The following CCDC148 variants were observed in gnomAD, a reference collection of about 807,000 sequenced individuals.
The protein encoded by CCDC148 is coiled-coil domain containing 148, also known as coiled-coil domain-containing protein 148.
CCDC148 carries 89 observed loss-of-function variants against 85.7 expected under a neutral mutation model. That is an observed-to-expected ratio of 1.04 (90% CI 0.87 to 1.24). CCDC148 has a LOEUF of 1.24. Ranked by LOEUF, CCDC148 falls within the 50% of genes most tolerant of loss-of-function variation. The pLI is 0.00. For synonymous variants in CCDC148, 230 were observed against 213.9 expected (o/e 1.08, Z -0.66); for missense variants, 692 against 671.7 (o/e 1.03, Z -0.33).
chr2:158,222,398 C>A (rs543149751), intron 10 of CCDC148, among the ~76,000 whole-genome samples: 1 of 152,206 alleles, frequency 6.6e-6, no homozygotes, highest in East Asian at 1.9e-4. Flanking sequence ...CCAGTTATTT[C>A]CATCTTTGAC....
chr2:158,309,669 T>G, intron 8 of CCDC148, 30 bp from the exon 9 acceptor site: 1 of 1,446,216 alleles, frequency 6.9e-7, no homozygotes, highest in Non-Finnish European at 9.5e-7. Context: ...TGAATACTTA[T>G]CATTATGAAA....
At chr2:158,281,322 A>C (rs538790259) in intron 9 of CCDC148, among the ~76,000 whole-genome samples, 1 of 152,172 alleles carries the variant, frequency 6.6e-6, no homozygotes, top group South Asian at 2.1e-4. Flanking sequence ...CCCTTCAAAA[A>C]ATTAATGAAT....
Position 158,456,536 on chromosome 2 carries a change from G to T in CCDC148, c.-97C>A. ...CTCGCCGTCAGGGGTACATCTAAGG[G>T]CTCAGCTGTTCCTACCTTTGACGCC... On this transcript the variant is annotated 5_prime_UTR_variant, in exon 1 of 14. Transcript: ENST00000283233. 1 of 1,465,658 alleles carries T rather than the reference G, an allele frequency of 6.8e-7. No homozygotes were observed. The highest frequency in any genetic ancestry group is 9.2e-7 in the Non-Finnish European group (1 of 1,083,074). The allele number at this position is 1,465,658 out of a possible 1,614,324, so 90.8% of individuals were successfully genotyped here.
intron 1 of CCDC148, among the ~76,000 whole-genome samples, chr2:158,406,479 G>A (rs966386506): frequency 6.6e-6 from 1 of 152,036 alleles, no homozygotes; most frequent in African/African-American, 2.4e-5. Flanking sequence ...ACATACAGGG[G>A]AGAGGCTGGC....
intron 1 of CCDC148, among the ~76,000 whole-genome samples, chr2:158,440,011 A>C (rs962098733): frequency 1.3e-5 from 2 of 151,768 alleles, no homozygotes; most frequent in African/African-American, 4.8e-5. Context: ...GGCATGTTCC[A>C]TCACACCCAG....
chr2:158,281,498 C>A (rs1010846765), intron 9 of CCDC148, among the ~76,000 whole-genome samples: 10 of 152,046 alleles, frequency 6.6e-5, no homozygotes, highest in African/African-American at 9.7e-5. Flanking sequence ...AGTACAAACA[C>A]CTCTACGCAA....
chr2:158,241,469 G>A lies in CCDC148; in HGVS notation c.1251+9303C>T, dbSNP rs568661560. ...AGGTAAACACCTCCCTTTAAACAGA[G>A]ATGAGAAAGGGGGCAATTTCTTGAG... On this transcript the variant is annotated intron_variant, in intron 10 of 13. Coordinates refer to ENST00000283233, the MANE Select transcript of CCDC148 (RefSeq NM_138803.4). 4.6e-5 allele frequency among the ~76,000 whole-genome samples: 7 copies of A among 152,206 alleles called. No individual in the cohort carries two copies. The South Asian group carries it at 1.5e-3, about 32-fold the overall frequency.
chr2:158,380,820 C>T (rs1399211838), intron 1 of CCDC148: 1 of 152,108 alleles, frequency 6.6e-6, no homozygotes, highest in East Asian at 1.9e-4. Context: ...TCCATACATA[C>T]ATGATCACCT....
At chr2:158,272,371 C>G (rs1190402589) in intron 9 of CCDC148, among the ~76,000 whole-genome samples, 1 of 152,072 alleles carries the variant, frequency 6.6e-6, no homozygotes, top group Non-Finnish European at 1.5e-5. Context: ...CTCTATACCT[C>G]TGGTTTATGG....
chr2:158,439,188 G>A (rs1687816347), intron 1 of CCDC148, among the ~76,000 whole-genome samples: 2 of 152,182 alleles, frequency 1.3e-5, no homozygotes, highest in Admixed American at 1.3e-4. Context: ...TATGTTTATT[G>A]TGGCACTATT....
At chr2:158,312,578 CAAAAA>C (rs61545122) in intron 8 of CCDC148, among the ~76,000 whole-genome samples, 1 of 76,118 alleles carries the variant, frequency 1.3e-5, no homozygotes, top group Non-Finnish European at 2.3e-5. Flanking sequence ...GAATCCATCT[CAAAAA>C]AAAAAAAAAA....
chr2:158,305,791 C>T (rs1426704409), intron 9 of CCDC148, among the ~76,000 whole-genome samples: 14 of 150,526 alleles, frequency 9.3e-5, no homozygotes, highest in Admixed American at 7.9e-4. Flanking sequence ...GAGGGACACC[C>T]TCTGAGGCAC....
chr2:158,290,343 C>T (rs533550648), intron 9 of CCDC148, among the ~76,000 whole-genome samples: 13 of 152,210 alleles, frequency 8.5e-5, no homozygotes, highest in Non-Finnish European at 1.9e-4. Flanking sequence ...CAAAAGCTTC[C>T]TAATGCATCT....
chr2:158,315,163 A>C (rs1167676203), intron 7 of CCDC148, among the ~76,000 whole-genome samples: 1 of 152,226 alleles, frequency 6.6e-6, no homozygotes, highest in Non-Finnish European at 1.5e-5. Flanking sequence ...GAACACACCA[A>C]GTGTTTCAGT....
chr2:158,202,226 C>T (rs888098419), intron 11 of CCDC148, among the ~76,000 whole-genome samples: 1 of 152,102 alleles, frequency 6.6e-6, no homozygotes, highest in African/African-American at 2.4e-5. Flanking sequence ...ATCACTTTCC[C>T]ACTTTGGGCA....
chr2:158,280,555 T>A (rs1180485187), intron 9 of CCDC148, among the ~76,000 whole-genome samples: 2 of 152,110 alleles, frequency 1.3e-5, no homozygotes, highest in African/African-American at 4.8e-5. Context: ...GGTAAAGGGA[T>A]CAATTCAACA....
chr2:158,210,725 C>T (rs1183262542), intron 11 of CCDC148, among the ~76,000 whole-genome samples: 6 of 143,562 alleles, frequency 4.2e-5, no homozygotes, highest in Admixed American at 1.5e-4. Context: ...AGGCAGATCA[C>T]GAGGTCAGGA....
chr2:158,317,684 A>C (rs576959581), intron 7 of CCDC148, among the ~76,000 whole-genome samples: 1 of 152,172 alleles, frequency 6.6e-6, no homozygotes, highest in East Asian at 1.9e-4. Context: ...ATTCAAATAC[A>C]TTTAGGGGTG....
intron 9 of CCDC148, among the ~76,000 whole-genome samples, chr2:158,283,136 G>C (rs1167907396): frequency 6.6e-6 from 1 of 152,172 alleles, no homozygotes; most frequent in Non-Finnish European, 1.5e-5. Flanking sequence ...ATTCAAGATG[G>C]ATTAAAGACT....
Sources: allele counts gnomAD v4.1 joint callset (sites outside exome capture counted in the v4.1 genomes callset), GRCh38; gene constraint gnomAD v4.1.1; transcripts MANE v1.5; gene names NCBI Gene and HGNC (gene_info 2026-07-23, HGNC 2026-07-21).